Variants in TRPM3 observed in about 807,000 individuals in gnomAD.
TRPM3 encodes long transient receptor potential channel 3.
Under a neutral mutation model 181.2 loss-of-function variants are expected in TRPM3, and 77 were observed. The ratio of observed to expected loss-of-function variants is 0.42; its 90% confidence interval spans 0.35 to 0.51. TRPM3 has a LOEUF of 0.51. Among genes scored for constraint, TRPM3 ranks in the 20% least tolerant of loss-of-function variants. TRPM3 has a pLI of 0.01. For missense variants in TRPM3, 1,759 were observed against 2,196.7 expected (o/e 0.80, Z 3.98); for synonymous variants, 745 against 796.4 (o/e 0.94, Z 1.09).
intron 1 of TRPM3, among the ~76,000 whole-genome samples, chr9:71,259,457 G>A (rs1377952877): frequency 1.3e-5 from 2 of 152,146 alleles, no homozygotes; most frequent in Non-Finnish European, 2.9e-5. Context: ...GATCCTTGAG[G>A]AATTGCCACA....
At chr9:70,926,601 ATAATT>A (rs536081123) in intron 1 of TRPM3, among the ~76,000 whole-genome samples, 326 of 152,374 alleles carry the variant, frequency 2.1e-3, no homozygotes, top group African/African-American at 7.5e-3. Flanking sequence ...TCAAAGAAAT[ATAATT>A]TAACTCACAT....
chr9:70,582,030 T>A (rs2055919861), intron 22 of TRPM3, among the ~76,000 whole-genome samples: 1 of 151,972 alleles, frequency 6.6e-6, no homozygotes, highest in African/African-American at 2.4e-5. Context: ...GCACATATAC[T>A]ACAATCATGA....
chr9:71,087,589 G>A (rs1217457629), intron 1 of TRPM3, among the ~76,000 whole-genome samples: 1 of 152,026 alleles, frequency 6.6e-6, no homozygotes, highest in Non-Finnish European at 1.5e-5. Context: ...TGCATTTGGT[G>A]GGCCCTCAAT....
intron 1 of TRPM3, among the ~76,000 whole-genome samples, chr9:71,099,859 C>G (rs1014178430): frequency 2.0e-5 from 3 of 152,112 alleles, no homozygotes; most frequent in Admixed American, 2.0e-4. Flanking sequence ...GAGAGTAAAT[C>G]CTTTACCCAA....
At chr9:70,929,346 T>C (rs1399634361) in intron 1 of TRPM3, among the ~76,000 whole-genome samples, 1 of 151,938 alleles carries the variant, frequency 6.6e-6, no homozygotes, top group Non-Finnish European at 1.5e-5. Context: ...GGATCACAGG[T>C]GCCCGCCACC....
chr9:71,389,308 A>G (rs2093002376), intron 1 of TRPM3, among the ~76,000 whole-genome samples: 1 of 151,598 alleles, frequency 6.6e-6, no homozygotes, highest in South Asian at 2.1e-4. Flanking sequence ...ATGAATGGCC[A>G]TAATTAAAAA....
At chr9:70,791,627 T>C (rs1486689072) in intron 6 of TRPM3, among the ~76,000 whole-genome samples, 1 of 152,216 alleles carries the variant, frequency 6.6e-6, no homozygotes, top group Non-Finnish European at 1.5e-5. Flanking sequence ...GTATCTTTTA[T>C]CTTGGCATGT....
At chr9:71,405,979 C>T (rs2093428490) in intron 1 of TRPM3, among the ~76,000 whole-genome samples, 3 of 151,934 alleles carry the variant, frequency 2.0e-5, no homozygotes, top group Admixed American at 1.3e-4. Flanking sequence ...TTTTTTCAAA[C>T]AATAAAAAAT....
chr9:70,767,336 T>C (rs144198613), intron 7 of TRPM3, among the ~76,000 whole-genome samples: 1 of 152,304 alleles, frequency 6.6e-6, no homozygotes, highest in East Asian at 1.9e-4. Context: ...ATTCATTCAT[T>C]CATTCAACAA....
At chr9:70,591,276 ACAATG>A in intron 21 of TRPM3, 71 bp from the exon 22 acceptor site, 3 of 1,357,838 alleles carry the variant, frequency 2.2e-6, no homozygotes, top group Non-Finnish European at 3.1e-6. Flanking sequence ...ATAATTGCTG[ACAATG>A]ATGGGAACCT....
chr9:71,437,685 T>C (rs1344534856), intron 1 of TRPM3, among the ~76,000 whole-genome samples: 1 of 151,816 alleles, frequency 6.6e-6, no homozygotes, highest in Non-Finnish European at 1.5e-5. Flanking sequence ...CTGGCCAACA[T>C]GGTGAAACCC....
chr9:70,610,540 G>A (rs2061850315), intron 19 of TRPM3, 69 bp downstream of exon 19: 1 of 1,556,252 alleles, frequency 6.4e-7, no homozygotes, highest in East Asian at 2.3e-5. Flanking sequence ...AAACCACACA[G>A]ATGCATGAGA....
intron 1 of TRPM3, among the ~76,000 whole-genome samples, chr9:70,947,098 C>T (rs1429166291): frequency 6.6e-6 from 1 of 152,100 alleles, no homozygotes; most frequent in Non-Finnish European, 1.5e-5. Context: ...AAATTTCTGG[C>T]TCATAATGTA....
intron 1 of TRPM3, among the ~76,000 whole-genome samples, chr9:70,909,481 G>A (rs2096513561): frequency 6.6e-6 from 1 of 152,132 alleles, no homozygotes; most frequent in South Asian, 2.1e-4. Flanking sequence ...TGAAGCCCAG[G>A]CCTTACTCTG....
intron 6 of TRPM3, among the ~76,000 whole-genome samples, chr9:70,808,488 A>G (rs905379620): frequency 6.6e-6 from 1 of 152,206 alleles, no homozygotes; most frequent in African/African-American, 2.4e-5. Context: ...CCAAGAAACC[A>G]GTTTCGCTAA....
intron 9 of TRPM3, among the ~76,000 whole-genome samples, chr9:70,644,735 G>A (rs1483278338): frequency 6.6e-6 from 1 of 152,068 alleles, no homozygotes; most frequent in Admixed American, 6.6e-5. Context: ...AAGAAATAAG[G>A]GGTATTCAAA....
intron 1 of TRPM3, among the ~76,000 whole-genome samples, chr9:71,408,192 TCTC>T (rs2093473462): frequency 2.6e-5 from 4 of 152,102 alleles, no homozygotes; most frequent in Admixed American, 6.6e-5. Context: ...GAGCACCTCT[TCTC>T]CTCCAAAGGA....
chr9:70,559,156 C>G (rs1187278918), intron 22 of TRPM3, among the ~76,000 whole-genome samples: 1 of 152,212 alleles, frequency 6.6e-6, no homozygotes, highest in Non-Finnish European at 1.5e-5. Flanking sequence ...ATTTTTGTCT[C>G]TCTTGTTCAC....
chr9:71,160,847 AT>A (rs899772373), intron 1 of TRPM3, among the ~76,000 whole-genome samples: 2 of 152,178 alleles, frequency 1.3e-5, no homozygotes, highest in African/African-American at 4.8e-5. Context: ...TCCCAATTAT[AT>A]TTATGAGACT....
Sources: gnomAD v4.1 joint callset for allele counts (sites outside exome capture counted in the v4.1 genomes callset) on GRCh38, gnomAD v4.1.1 for gene constraint, MANE v1.5 for transcripts, NCBI Gene and HGNC (gene_info 2026-07-23, HGNC 2026-07-21) for gene names.